The following DRG2 variants were observed in gnomAD, a reference collection of about 807,000 sequenced individuals.
DRG2 encodes developmentally-regulated GTP-binding protein 2.
In DRG2, 36 loss-of-function variants were observed where a neutral mutation model predicts 53.4. That is an observed-to-expected ratio of 0.67 (90% CI 0.52 to 0.89). The LOEUF is 0.89. DRG2 is among the 40% of genes least tolerant of loss of function. The probability of loss-of-function intolerance (pLI) is 0.00; values close to 1 mark genes in which losing one functional copy is unlikely to be tolerated. For missense variants in DRG2, 342 were observed against 481.2 expected, an observed-to-expected ratio of 0.71 and a Z score of 2.71; for synonymous variants, 167 against 192.1, an observed-to-expected ratio of 0.87 and a Z score of 1.08.
At chr17:18,089,262 C>T (rs1394202396) in intron 1 of DRG2, among the ~76,000 whole-genome samples, 3 of 152,178 alleles carry the variant, frequency 2.0e-5, no homozygotes, top group African/African-American at 7.2e-5. Context: ...CCTCAGCCTC[C>T]AAATAGCTGG....
chr17:18,105,737 G>C (rs977617042), intron 11 of DRG2: 4 of 152,408 alleles, frequency 2.6e-5, no homozygotes, highest in African/African-American at 9.7e-5. Context: ...AGGGACGCTG[G>C]GCTGAGGTGT....
At chr17:18,106,989 C>A (rs2045651531) in intron 12 of DRG2, among the ~76,000 whole-genome samples, 165 bp from the exon 13 acceptor site, 1 of 152,192 alleles carries the variant, frequency 6.6e-6, no homozygotes, top group Non-Finnish European at 1.5e-5. Context: ...CCCTCCCCAA[C>A]CTTTGAGATC....
chr17:18,097,822 C>A (rs950513245), intron 2 of DRG2: 1 of 153,310 alleles, frequency 6.5e-6, no homozygotes, highest in Non-Finnish European at 1.5e-5. Context: ...GCTGTCTCTG[C>A]CTCAGCCCAG....
At chr17:18,105,189 T>C (rs1419349533) in intron 11 of DRG2, among the ~76,000 whole-genome samples, 5 of 152,144 alleles carry the variant, frequency 3.3e-5, no homozygotes, top group Non-Finnish European at 5.9e-5. Context: ...GGAGGTGGTC[T>C]GGGCTCAGGG....
At position 18,100,765 on chromosome 17, in the gene DRG2, AC is replaced by A; in HGVS notation, c.631+111del. The A allele has an allele frequency of 5.5e-6, 6 of 1,094,870 alleles. No individual in the cohort carries two copies. The highest frequency in any genetic ancestry group is 8.0e-6 in the Non-Finnish European group (6 of 746,058). 67.8% of individuals were successfully genotyped at this position (1,094,870 alleles called of 1,614,324 possible). A position where few individuals can be genotyped will look rare whatever the true frequency, so the allele number is the denominator to read the frequency against. On this transcript the variant is annotated intron_variant, in intron 7 of 12. Coordinates refer to ENST00000225729, the MANE Select transcript of DRG2 (RefSeq NM_001388.5). The surrounding 1 kb of genome is among the most constrained non-coding windows in gnomAD (Gnocchi z 4.1). ...TCATGGAGCAGGGTGGCAGCAGGTCACCCCCACTGCCCCTGCTGTCCATTCA... is the reference window on the plus strand; with the variant it reads ...TCATGGAGCAGGGTGGCAGCAGGTCACCCCACTGCCCCTGCTGTCCATTCA...
At position 18,099,880 on chromosome 17, in the gene DRG2, G is replaced by A. The variant is rs943570992; in HGVS notation, c.467+157G>A. ...TAAACCCAACACCACCCAGCCTATG[G>A]CGTCTTCTCCTCAAGGCTTGTGTCC... is the stretch of plus-strand genomic sequence containing the variant. On this transcript the variant is annotated intron_variant, in intron 5 of 12. Coordinates refer to ENST00000225729, the MANE Select transcript of DRG2 (RefSeq NM_001388.5). The surrounding 1 kb of genome is among the most constrained non-coding windows in gnomAD (Gnocchi z 4.4). 1.4e-6 allele frequency: 1 copy of A among 722,386 alleles called. No individual in the cohort carries two copies. The allele number at this position is 722,386 out of a possible 1,614,324, so 44.7% of individuals were successfully genotyped here.
chr17:18,099,404 A>G lies in DRG2; in HGVS notation c.377-229A>G. 1 of 626,676 alleles carries G rather than the reference A, an allele frequency of 1.6e-6. No homozygotes were observed. The allele number at this position is 626,676 out of a possible 1,614,324, so 38.8% of individuals were successfully genotyped here. The stretch of plus-strand genomic sequence containing the variant: ...CCTGCCACATGGTAGGGGTGGGCGT[A>G]GGACAGCCGTTATTATCCTGTTACT... On this transcript the variant is annotated intron_variant, in intron 4 of 12. Coordinates refer to ENST00000225729, the MANE Select transcript of DRG2 (RefSeq NM_001388.5). This position sits in a 1 kb window ranked among gnomAD's most constrained non-coding sequence, Gnocchi z 4.4.
At position 18,104,627 on chromosome 17, in the gene DRG2, G is replaced by A. The variant is rs1287077195; in HGVS notation, c.900G>A (p.Arg300=). The A allele has an allele frequency of 6.2e-7, 1 of 1,613,862 alleles. No homozygotes were observed. Among genetic ancestry groups the A allele is most frequent in the South Asian group, 1.1e-5 (1 of 91,088 alleles). Residue 300 remains arginine (R), a synonymous_variant, in exon 11 of 13, where the codon AGG becomes AGA. Transcript: ENST00000225729. ...TCTCCCCATCCTGCCCTGCAGAGAG[G>A]CCAGACTTCACAGACGCCATCATTC... is the stretch of plus-strand genomic sequence containing the variant. ...TCIYTKKRGQ[R]PDFTDAIILR...
In DRG2 at chr17:18,103,802, T is replaced by C. The variant is rs2045579728; in HGVS notation, c.808T>C (p.Cys270Arg). The change falls in exon 10 of 13, where the codon TGC (cysteine) becomes CGC (arginine). Residue 270 changes from cysteine to arginine, a missense_variant and splice_region_variant. Coordinates refer to ENST00000225729, the MANE Select transcript of DRG2 (RefSeq NM_001388.5). This position sits in a 1 kb window ranked among gnomAD's most constrained non-coding sequence, Gnocchi z 4.4. ...ARKPNSVVIS[C>R]GMKLNLDYLL... Reference sequence around the variant, plus strand: ...GACTGGCCGCCTCCCTCTTTGCAGCTGCGGCATGAAGCTGAACCTGGACTA... The same window carrying C: ...GACTGGCCGCCTCCCTCTTTGCAGCCGCGGCATGAAGCTGAACCTGGACTA... 1.2e-6 allele frequency: 2 copies of C among 1,613,980 alleles called. No individual in the cohort carries two copies. Among genetic ancestry groups the C allele is most frequent in the Non-Finnish European group, 1.7e-6 (2 of 1,180,010 alleles).
chr17:18,103,823 G>C lies in DRG2; in HGVS notation c.829G>C (p.Asp277His). 6.2e-7 allele frequency: 1 copy of C among 1,614,142 alleles called. No individual in the cohort carries two copies. Among genetic ancestry groups the C allele is most frequent in the Non-Finnish European group, 8.5e-7 (1 of 1,180,036 alleles). ...CAGCTGCGGCATGAAGCTGAACCTG[G>C]ACTATCTGCTGGAGATGCTTTGGGA... is the stretch of plus-strand genomic sequence containing the variant. ...VISCGMKLNL[D>H]YLLEMLWEYL... The change falls in exon 10 of 13, where the codon GAC (aspartate) becomes CAC (histidine). Residue 277 changes from aspartate (D) to histidine (H), a missense_variant. By Grantham distance (81) the Asp-to-His change is moderately conservative (BLOSUM62 -1). Coordinates refer to ENST00000225729, the MANE Select transcript of DRG2 (RefSeq NM_001388.5). The surrounding 1 kb of genome is among the most constrained non-coding windows in gnomAD (Gnocchi z 4.4).
rs1047038796 is a variant in DRG2, at chr17:18,098,928, C to T, written c.316-89C>T. The T allele has an allele frequency of 5.4e-6, 8 of 1,485,716 alleles. No individual in the cohort carries two copies. The highest frequency in any genetic ancestry group is 3.5e-5 in the South Asian group (3 of 85,684). The allele number at this position is 1,485,716 out of a possible 1,614,324, so 92.0% of individuals were successfully genotyped here. A position where few individuals can be genotyped will look rare whatever the true frequency, so the allele number is the denominator to read the frequency against. ...TGGGTTTCCCTCAGCCCCTGAGCCC[C>T]GGGGCCATTCCAGATGTCCCAGATC... On this transcript the variant is annotated intron_variant, in intron 3 of 12. Transcript: ENST00000225729. The surrounding 1 kb of genome is among the most constrained non-coding windows in gnomAD (Gnocchi z 4.1).
chr17:18,088,956 AG>A (rs753837158), intron 1 of DRG2, among the ~76,000 whole-genome samples: 5 of 152,172 alleles, frequency 3.3e-5, no homozygotes, highest in Admixed American at 2.0e-4. Flanking sequence ...CTAGATCAGA[AG>A]GGGGTTATGG....
Position 18,098,579 on chromosome 17 carries a change from T to C in DRG2, c.315+220T>C, listed in dbSNP as rs1567602464. 2.0e-6 allele frequency: 1 copy of C among 510,466 alleles called. No homozygotes were observed. Among genetic ancestry groups the C allele is most frequent in the Admixed American group, 3.3e-5 (1 of 30,548 alleles). The allele number at this position is 510,466 out of a possible 1,614,324, so 31.6% of individuals were successfully genotyped here. On this transcript the variant is annotated intron_variant, in intron 3 of 12. Transcript: ENST00000225729. The surrounding 1 kb of genome is among the most constrained non-coding windows in gnomAD (Gnocchi z 4.1). ...CTGGAACTAGGAGGTCAGGCCAGCATGTGGCTACTTTGCCTGGCGCCCCCT... is the reference window on the plus strand; with the variant it reads ...CTGGAACTAGGAGGTCAGGCCAGCACGTGGCTACTTTGCCTGGCGCCCCCT...
chr17:18,094,974 CAAAAA>C (rs1165321853), intron 2 of DRG2, among the ~76,000 whole-genome samples: 5 of 25,314 alleles, frequency 2.0e-4, no homozygotes, highest in Admixed American at 6.5e-4. Flanking sequence ...AACTCCATCT[CAAAAA>C]AAAAAAAAAA....
Position 18,103,715 on chromosome 17 carries a change from T to C in DRG2, c.807-86T>C. On this transcript the variant is annotated intron_variant, in intron 9 of 12. Transcript: ENST00000225729. The surrounding 1 kb of genome is among the most constrained non-coding windows in gnomAD (Gnocchi z 4.4). ...CAGCGGGCCACCTGGCCAGTGGAGG[T>C]TATCCGCTCCAATAGTGAGAAGTGG... 1 of 1,307,036 alleles carries C rather than the reference T, an allele frequency of 7.7e-7. No homozygotes were observed. 81.0% of individuals were successfully genotyped at this position (1,307,036 alleles called of 1,614,324 possible). A position where few individuals can be genotyped will look rare whatever the true frequency, so the allele number is the denominator to read the frequency against.
Position 18,099,272 on chromosome 17 carries a change from G to A in DRG2, c.376+195G>A, listed in dbSNP as rs187438367. The A allele has an allele frequency of 8.9e-6, 6 of 670,958 alleles. No homozygotes were observed. Among genetic ancestry groups the A allele is most frequent in the Admixed American group, 2.8e-5 (1 of 35,422 alleles). 41.6% of individuals were successfully genotyped at this position (670,958 alleles called of 1,614,324 possible). A position where few individuals can be genotyped will look rare whatever the true frequency, so the allele number is the denominator to read the frequency against. ...TGGGCAAGTGATTGGGTATCTCTAAGCCAAGCCTCAGTTTCCTCAGCTGTA... is the reference window on the plus strand; with the variant it reads ...TGGGCAAGTGATTGGGTATCTCTAAACCAAGCCTCAGTTTCCTCAGCTGTA... On this transcript the variant is annotated intron_variant, in intron 4 of 12. Coordinates refer to ENST00000225729, the MANE Select transcript of DRG2 (RefSeq NM_001388.5). The surrounding 1 kb of genome is among the most constrained non-coding windows in gnomAD (Gnocchi z 4.4).
rs2045489152 is a variant in DRG2, at chr17:18,099,458, T to A, written c.377-175T>A. 2.8e-6 allele frequency: 2 copies of A among 704,762 alleles called. No individual in the cohort carries two copies. Among genetic ancestry groups the A allele is most frequent in the South Asian group, 3.4e-5 (2 of 58,964 alleles). The allele number at this position is 704,762 out of a possible 1,614,324, so 43.7% of individuals were successfully genotyped here. ...TTTATGATGGTGGTGTCGGATTTTC[T>A]TCTGAAATAAGTCTCCGTCAGTAAA... On this transcript the variant is annotated intron_variant, in intron 4 of 12. Transcript: ENST00000225729. The surrounding 1 kb of genome is among the most constrained non-coding windows in gnomAD (Gnocchi z 4.4).
intron 11 of DRG2, among the ~76,000 whole-genome samples, chr17:18,105,264 G>A (rs1453064483): frequency 6.6e-6 from 1 of 152,148 alleles, no homozygotes; most frequent in East Asian, 1.9e-4. Flanking sequence ...AGGCACAGAT[G>A]GTGGCCAACC....
chr17:18,107,300 G>A lies in DRG2; in HGVS notation c.*60G>A. ...TCTCCCTGGGGAGGTGGTCCCACTGGGACACACAAACACCCAAACAGAAAA... is the reference window on the plus strand; with the variant it reads ...TCTCCCTGGGGAGGTGGTCCCACTGAGACACACAAACACCCAAACAGAAAA... On this transcript the variant is annotated 3_prime_UTR_variant, in exon 13 of 13. Coordinates refer to ENST00000225729, the MANE Select transcript of DRG2 (RefSeq NM_001388.5). 1 of 1,536,344 alleles carries A rather than the reference G, an allele frequency of 6.5e-7. No individual in the cohort carries two copies. Among genetic ancestry groups the A allele is most frequent in the Admixed American group, 1.7e-5 (1 of 58,348 alleles).
Sources: allele counts gnomAD v4.1 joint callset (sites outside exome capture counted in the v4.1 genomes callset), GRCh38; gene constraint gnomAD v4.1.1; non-coding constraint Gnocchi (gnomAD v3.1); transcripts MANE v1.5; gene names NCBI Gene and HGNC (gene_info 2026-07-23, HGNC 2026-07-21).